SPIDR: variants seen among roughly 807,000 people sequenced by gnomAD.
SPIDR encodes the protein scaffold protein involved in DNA repair.
SPIDR carries 93 observed loss-of-function variants against 104.6 expected under a neutral mutation model. That is an observed-to-expected ratio of 0.89 (90% CI 0.75 to 1.06). The LOEUF is 1.06. Among genes scored for constraint, SPIDR ranks in the 50% least tolerant of loss-of-function variants. SPIDR has a pLI of 0.00. For missense variants in SPIDR, 1,154 were observed against 1,111.2 expected (o/e 1.04, Z -0.55); for synonymous variants, 431 against 416.9 (o/e 1.03, Z -0.41).
At chr8:47,487,524 C>G (rs565508222) in intron 8 of SPIDR, among the ~76,000 whole-genome samples, 14 of 152,308 alleles carry the variant, frequency 9.2e-5, no homozygotes, top group Non-Finnish European at 1.8e-4. Flanking sequence ...ATCTACAGAA[C>G]TCTCCACCCA....
intron 8 of SPIDR, among the ~76,000 whole-genome samples, chr8:47,589,989 G>A (rs761745522): frequency 4.6e-5 from 7 of 151,982 alleles, no homozygotes; most frequent in Non-Finnish European, 1.0e-4. Context: ...CCAACATGGT[G>A]AATGAAACCT....
intron 8 of SPIDR, among the ~76,000 whole-genome samples, chr8:47,594,177 T>C (rs2061384007): frequency 9.1e-6 from 1 of 109,442 alleles, no homozygotes; most frequent in Non-Finnish European, 1.7e-5. Context: ...CTGGTCACCA[T>C]GATGAAACCC....
At chr8:47,273,669 C>A (rs968257409) in intron 1 of SPIDR, among the ~76,000 whole-genome samples, 2 of 149,930 alleles carry the variant, frequency 1.3e-5, no homozygotes, top group African/African-American at 4.9e-5. Context: ...CCTTGACTTA[C>A]CGCAGCTTTG....
Position 47,510,903 on chromosome 8 carries a change from C to T in SPIDR, c.1097+70361C>T, listed in dbSNP as rs1442513379. Reference sequence around the variant, plus strand: ...AAATGTTCAACCAACACCTAAGAACCTAGAGCTGTGGAGGAGATGTCACAC... The same window carrying T: ...AAATGTTCAACCAACACCTAAGAACTTAGAGCTGTGGAGGAGATGTCACAC... On this transcript the variant is annotated intron_variant, in intron 8 of 19. Transcript: ENST00000297423. 7.6e-6 allele frequency: 4 copies of T among 526,874 alleles called. No individual in the cohort carries two copies. The African/African-American group carries it at 7.6e-5, about 10-fold the overall frequency. 32.6% of individuals were successfully genotyped at this position (526,874 alleles called of 1,614,324 possible).
intron 5 of SPIDR, among the ~76,000 whole-genome samples, chr8:47,394,115 C>T (rs544156976): frequency 6.6e-6 from 1 of 152,260 alleles, no homozygotes; most frequent in East Asian, 1.9e-4. Context: ...CCATGTTGGC[C>T]AGGCTGCTTT....
chr8:47,524,488 C>T (rs1319978157), intron 8 of SPIDR, among the ~76,000 whole-genome samples: 1 of 152,138 alleles, frequency 6.6e-6, no homozygotes, highest in Non-Finnish European at 1.5e-5. Flanking sequence ...GGCAGCAGGT[C>T]CTGTACTCTC....
At chr8:47,687,575 G>A (rs939269105) in intron 11 of SPIDR, among the ~76,000 whole-genome samples, 2 of 152,010 alleles carry the variant, frequency 1.3e-5, no homozygotes, top group Non-Finnish European at 2.9e-5. Context: ...TATGAAAGAG[G>A]GCATAATTGT....
At chr8:47,408,557 C>T (rs1232850730) in intron 7 of SPIDR, among the ~76,000 whole-genome samples, 1 of 152,176 alleles carries the variant, frequency 6.6e-6, no homozygotes, top group East Asian at 1.9e-4. Flanking sequence ...TCTCTATTGG[C>T]AGCCACCATT....
chr8:47,494,819 G>A (rs1049665747), intron 8 of SPIDR, among the ~76,000 whole-genome samples: 5 of 152,168 alleles, frequency 3.3e-5, no homozygotes, highest in Admixed American at 3.3e-4. Flanking sequence ...CACTCAGCTT[G>A]CCCTGCTAGT....
chr8:47,719,929 T>A (rs942041671), intron 16 of SPIDR, among the ~76,000 whole-genome samples: 1 of 152,234 alleles, frequency 6.6e-6, no homozygotes, highest in Non-Finnish European at 1.5e-5. Context: ...TTTTGACAGA[T>A]GTATAATACC....
intron 6 of SPIDR, among the ~76,000 whole-genome samples, chr8:47,397,718 C>T (rs782541292): frequency 3.9e-5 from 6 of 152,134 alleles, no homozygotes; most frequent in East Asian, 1.9e-4. Context: ...AAGTAGCACA[C>T]GGTTCAAGGA....
chr8:47,320,178 C>A (rs1046302979), intron 5 of SPIDR, among the ~76,000 whole-genome samples: 9 of 151,990 alleles, frequency 5.9e-5, no homozygotes, highest in Admixed American at 1.3e-4. Context: ...TTGAAAAGAT[C>A]AACAAACTTG....
chr8:47,701,952 C>A lies in SPIDR; in HGVS notation c.1918-4C>A. The A allele has an allele frequency of 6.2e-7, 1 of 1,614,054 alleles. No homozygotes were observed. Among genetic ancestry groups the A allele is most frequent in the South Asian group, 1.1e-5 (1 of 91,072 alleles). ...GCTGCCAACCTTTTCTAATTCCTTT[C>A]CAGATGAATGATCTTGGTACCCGTT... On this transcript the variant is annotated splice_polypyrimidine_tract_variant and splice_region_variant and intron_variant, in intron 13 of 19. Transcript: ENST00000297423.
intron 8 of SPIDR, among the ~76,000 whole-genome samples, chr8:47,452,575 C>T (rs577293211): frequency 4.9e-4 from 75 of 152,204 alleles, no homozygotes; most frequent in Non-Finnish European, 6.8e-4. Flanking sequence ...AATCAATAAA[C>T]GTAATCCAGC....
chr8:47,280,102 A>G (rs2037414773), intron 2 of SPIDR, 85 bp downstream of exon 2: 9 of 1,378,784 alleles, frequency 6.5e-6, no homozygotes, highest in Admixed American at 4.1e-5. Context: ...TTTCATTGTA[A>G]TTCCCTTTCT....
At chr8:47,633,745 A>G (rs1005206567) in intron 10 of SPIDR, among the ~76,000 whole-genome samples, 3 of 152,096 alleles carry the variant, frequency 2.0e-5, no homozygotes, top group Non-Finnish European at 4.4e-5. Context: ...AGGTATACTC[A>G]AAGTACAGGG....
chr8:47,598,370 G>A (rs944602841), intron 9 of SPIDR, among the ~76,000 whole-genome samples: 1 of 152,164 alleles, frequency 6.6e-6, no homozygotes, highest in Admixed American at 6.5e-5. Flanking sequence ...TTGGGTGATT[G>A]TGTGAGGGTA....
intron 1 of SPIDR, among the ~76,000 whole-genome samples, chr8:47,269,901 A>G (rs2034935908): frequency 6.6e-6 from 1 of 152,196 alleles, no homozygotes; most frequent in Non-Finnish European, 1.5e-5. Flanking sequence ...CTTTTCCTAC[A>G]TCTAATTGAG....
intron 5 of SPIDR, chr8:47,388,342 TA>T (rs1588055561): frequency 1.3e-5 from 2 of 154,200 alleles, no homozygotes; most frequent in African/African-American, 4.8e-5. Flanking sequence ...TATTTGGAGA[TA>T]TTTTTCAGGT....
Sources: allele counts gnomAD v4.1 joint callset (sites outside exome capture counted in the v4.1 genomes callset), GRCh38; gene constraint gnomAD v4.1.1; transcripts MANE v1.5; gene names NCBI Gene and HGNC (gene_info 2026-07-23, HGNC 2026-07-21).